ARHGAP25: variants seen among roughly 807,000 people sequenced by gnomAD.
ARHGAP25 encodes rho GTPase-activating protein 25.
Under a neutral mutation model 71.0 loss-of-function variants are expected in ARHGAP25, and 34 were observed. The ratio of observed to expected loss-of-function variants is 0.48; its 90% CI spans 0.36 to 0.64. The LOEUF (loss-of-function observed/expected upper bound fraction) is 0.64, where lower values mean the gene tolerates loss of function less well. Ranked by LOEUF, ARHGAP25 falls within the 30% of genes least tolerant of loss-of-function variation. The pLI is 0.00. For missense variants in ARHGAP25, 706 were observed against 805.1 expected (o/e 0.88, Z 1.49); for synonymous variants, 282 against 296.5 (o/e 0.95, Z 0.50).
chr2:68,758,870 A>G (rs1313321760), intron 1 of ARHGAP25, among the ~76,000 whole-genome samples: 1 of 151,970 alleles, frequency 6.6e-6, no homozygotes, highest in African/African-American at 2.4e-5. Flanking sequence ...TTTAAGTCTC[A>G]ATCGATTTTA....
intron 5 of ARHGAP25, among the ~76,000 whole-genome samples, chr2:68,813,049 C>T (rs1680945419): frequency 6.6e-6 from 1 of 152,194 alleles, no homozygotes; most frequent in African/African-American, 2.4e-5. Flanking sequence ...AGACCTTGAA[C>T]TTACCTTTGA....
intron 1 of ARHGAP25, among the ~76,000 whole-genome samples, chr2:68,771,952 T>TC (rs1485694220): frequency 6.6e-6 from 1 of 152,152 alleles, no homozygotes; most frequent in Non-Finnish European, 1.5e-5. Context: ...GCATCAAAGG[T>TC]CCCCTTGGCC....
In ARHGAP25 at chr2:68,775,261, CTT is replaced by C. The variant is rs1677801927; in HGVS notation, c.103_104del (p.Phe35ProfsTer46). On this transcript the variant is annotated frameshift_variant, in exon 2 of 11. Transcript: ENST00000409202. LOFTEE classifies it high-confidence loss of function. ...SVMTGEQMAA[F>X]HPSSTPNPLE... ...TGATGACTGGCGAGCAGATGGCTGC[CTT>C]CCATCCATCGTCCACCCCCAACCCG... The C allele has an allele frequency of 6.2e-7, 1 of 1,614,148 alleles. No individual in the cohort carries two copies. The highest frequency in any genetic ancestry group is 1.3e-5 in the African/African-American group (1 of 74,952).
intron 2 of ARHGAP25, among the ~76,000 whole-genome samples, chr2:68,722,626 C>A (rs1282097319): frequency 6.6e-6 from 1 of 150,992 alleles, no homozygotes; most frequent in African/African-American, 2.4e-5. Flanking sequence ...ATATTGAGTG[C>A]TTTTTATATA....
intron 1 of ARHGAP25, among the ~76,000 whole-genome samples, chr2:68,739,358 G>A (rs1012158228): frequency 5.9e-5 from 9 of 152,170 alleles, no homozygotes; most frequent in Admixed American, 5.2e-4. Flanking sequence ...TTCATTAATG[G>A]TAGTGCTGCC....
intron 2 of ARHGAP25, among the ~76,000 whole-genome samples, chr2:68,719,222 G>T (rs956112979): frequency 6.6e-6 from 1 of 152,040 alleles, no homozygotes; most frequent in Non-Finnish European, 1.5e-5. Context: ...ACCCCAAGGA[G>T]AGGGTCATGG....
At chr2:68,782,441 T>A (rs1218119133) in intron 3 of ARHGAP25, 121 bp downstream of exon 3, 1 of 809,890 alleles carries the variant, frequency 1.2e-6, no homozygotes, top group Admixed American at 2.3e-5. Flanking sequence ...AACCAGCCTA[T>A]TGAGAGCCCA....
At chr2:68,729,229 A>G (rs2104267088) in intron 2 of ARHGAP25, among the ~76,000 whole-genome samples, 1 of 152,350 alleles carries the variant, frequency 6.6e-6, no homozygotes, top group Non-Finnish European at 1.5e-5. Flanking sequence ...GTACACTTTG[A>G]TGGGTGAATT....
chr2:68,751,748 A>C (rs537242527), intron 1 of ARHGAP25, among the ~76,000 whole-genome samples: 11 of 152,356 alleles, frequency 7.2e-5, no homozygotes, highest in Admixed American at 6.5e-4. Flanking sequence ...CCAAGTACAG[A>C]AAATCTCCTC....
At chr2:68,766,709 T>C (rs956533516) in intron 1 of ARHGAP25, among the ~76,000 whole-genome samples, 3 of 151,064 alleles carry the variant, frequency 2.0e-5, no homozygotes, top group Non-Finnish European at 4.4e-5. Flanking sequence ...CCTCTCTCTC[T>C]CCCCTTCTCT....
At chr2:68,778,934 G>A (rs921242041) in intron 2 of ARHGAP25, among the ~76,000 whole-genome samples, 2 of 152,094 alleles carry the variant, frequency 1.3e-5, no homozygotes, top group Non-Finnish European at 1.5e-5. Context: ...CAGTTTTAAC[G>A]GTTTAAGGCT....
chr2:68,742,122 C>G (rs536224825), intron 1 of ARHGAP25, among the ~76,000 whole-genome samples: 1 of 152,306 alleles, frequency 6.6e-6, no homozygotes, highest in East Asian at 1.9e-4. Flanking sequence ...CCACGCCGTA[C>G]TATCCATCCA....
chr2:68,727,720 G>T (rs1323529512), intron 2 of ARHGAP25, among the ~76,000 whole-genome samples: 1 of 152,216 alleles, frequency 6.6e-6, no homozygotes, highest in Non-Finnish European at 1.5e-5. Context: ...TGAGGCAGCT[G>T]GAATAGGATT....
chr2:68,710,901 A>G (rs1341139569), intron 2 of ARHGAP25, among the ~76,000 whole-genome samples: 2 of 152,172 alleles, frequency 1.3e-5, no homozygotes, highest in African/African-American at 4.8e-5. Context: ...TGGAAAGTGA[A>G]AACCAAGATC....
intron 4 of ARHGAP25, among the ~76,000 whole-genome samples, chr2:68,791,414 C>A (rs1307837764): frequency 1.3e-5 from 2 of 152,102 alleles, no homozygotes; most frequent in Non-Finnish European, 2.9e-5. Flanking sequence ...CCTCAGTAGG[C>A]TCTTCTCTGT....
chr2:68,716,953 T>G (rs1336237005), intron 2 of ARHGAP25, among the ~76,000 whole-genome samples: 1 of 152,254 alleles, frequency 6.6e-6, no homozygotes, highest in Non-Finnish European at 1.5e-5. Context: ...TATTCCTTAA[T>G]GTTTCTGTTT....
intron 3 of ARHGAP25, among the ~76,000 whole-genome samples, chr2:68,784,489 G>A (rs1243574070): frequency 2.0e-5 from 3 of 151,886 alleles, no homozygotes; most frequent in African/African-American, 4.8e-5. Context: ...TTAATTGTAG[G>A]CATGCTAGTT....
Position 68,826,303 on chromosome 2 carries a change from C to T in ARHGAP25, c.*109C>T. 1 of 1,030,802 alleles carries T rather than the reference C, an allele frequency of 9.7e-7. No individual in the cohort carries two copies. The allele number at this position is 1,030,802 out of a possible 1,614,324, so 63.9% of individuals were successfully genotyped here. ...AAATTATTCTCTGAGAGGGAAAGGA[C>T]ATTTGAGGGAAACATCAAATTTCCC... On this transcript the variant is annotated 3_prime_UTR_variant, in exon 11 of 11. Coordinates refer to ENST00000409202, the MANE Select transcript of ARHGAP25 (RefSeq NM_001007231.3).
At chr2:68,768,046 A>G (rs893982951) in intron 1 of ARHGAP25, among the ~76,000 whole-genome samples, 2 of 152,176 alleles carry the variant, frequency 1.3e-5, no homozygotes, top group South Asian at 2.1e-4. Context: ...ACAAGAATAC[A>G]TGCTCCTTTC....
Sources: allele counts gnomAD v4.1 joint callset (sites outside exome capture counted in the v4.1 genomes callset), GRCh38; gene constraint gnomAD v4.1.1; transcripts MANE v1.5; gene names NCBI Gene and HGNC (gene_info 2026-07-23, HGNC 2026-07-21).